ANKRD17: variants seen among roughly 807,000 people sequenced by gnomAD.
ANKRD17 encodes the protein ankyrin repeat domain-containing protein 17.
In ANKRD17, 19 loss-of-function variants were observed where a neutral mutation model predicts 229.7. The ratio of observed to expected loss-of-function variants is 0.08; its 90% confidence interval spans 0.06 to 0.12. The LOEUF (loss-of-function observed/expected upper bound fraction) is 0.12, where lower values mean the gene tolerates loss of function less well. Ranked by LOEUF, ANKRD17 falls within the 10% of genes least tolerant of loss-of-function variation. The probability of loss-of-function intolerance (pLI) is 1.00; values close to 1 mark genes in which losing one functional copy is unlikely to be tolerated. For missense variants in ANKRD17, 2,176 were observed against 3,176.8 expected (o/e 0.68, Z 7.57); for synonymous variants, 1,112 against 1,146.1 (o/e 0.97, Z 0.60).
intron 1 of ANKRD17, among the ~76,000 whole-genome samples, chr4:73,184,528 C>CAAAAAAA (rs776930137): frequency 1.3e-4 from 4 of 29,974 alleles, no homozygotes; most frequent in African/African-American, 3.9e-4. Flanking sequence ...GACTTCCTCT[C>CAAAAAAA]AAAAAAAAAA....
At chr4:73,088,601 C>T (rs1722452366) in intron 29 of ANKRD17, among the ~76,000 whole-genome samples, 1 of 152,158 alleles carries the variant, frequency 6.6e-6, no homozygotes, top group South Asian at 2.1e-4. Flanking sequence ...TTCCTACGCA[C>T]TGGCACATAA....
At chr4:73,168,810 G>A (rs1011195529) in intron 2 of ANKRD17, 3 of 152,140 alleles carry the variant, frequency 2.0e-5, no homozygotes, top group East Asian at 1.9e-4. Context: ...TAGGTACAGC[G>A]GGTATACATG....
At chr4:73,174,473 C>T (rs1474217713) in intron 2 of ANKRD17, among the ~76,000 whole-genome samples, 1 of 152,096 alleles carries the variant, frequency 6.6e-6, no homozygotes, top group African/African-American at 2.4e-5. Flanking sequence ...CAACAGCCAA[C>T]ATTACACTAA....
chr4:73,213,031 GAAAAAAAAAA>G, intron 1 of ANKRD17, among the ~76,000 whole-genome samples: 1 of 131,328 alleles, frequency 7.6e-6, no homozygotes. Flanking sequence ...CGTTTCAGGG[GAAAAAAAAAA>G]AAAAAAGAAA....
chr4:73,149,128 T>C lies in ANKRD17; in HGVS notation c.1330-78A>G, dbSNP rs1286339340. 1.4e-5 allele frequency: 16 copies of C among 1,177,494 alleles called. No individual in the cohort carries two copies. The East Asian group carries it at 3.8e-4, about 28-fold the overall frequency. The allele number at this position is 1,177,494 out of a possible 1,614,324, so 72.9% of individuals were successfully genotyped here. A position where few individuals can be genotyped will look rare whatever the true frequency, so the allele number is the denominator to read the frequency against. On this transcript the variant is annotated intron_variant, in intron 7 of 33. Transcript: ENST00000358602. The stretch of plus-strand genomic sequence containing the variant: ...AAAAATTTGAAGACTTCTCAATTAC[T>C]ATACAATGAAGTTTATCTATCTCCA...
intron 24 of ANKRD17, among the ~76,000 whole-genome samples, chr4:73,110,441 T>C (rs1725172727): frequency 6.6e-6 from 1 of 152,218 alleles, no homozygotes; most frequent in East Asian, 1.9e-4. Context: ...TAGCTGGGAC[T>C]ACAAGCATGT....
intron 1 of ANKRD17, among the ~76,000 whole-genome samples, chr4:73,195,814 G>A (rs377200905): frequency 6.6e-6 from 1 of 151,692 alleles, no homozygotes; most frequent in Non-Finnish European, 1.5e-5. Context: ...GCCTGCTGAA[G>A]AATTTTTCAT....
intron 1 of ANKRD17, among the ~76,000 whole-genome samples, chr4:73,196,339 A>C (rs146076756): frequency 1.7e-3 from 260 of 152,142 alleles, no homozygotes; most frequent in African/African-American, 6.1e-3. Flanking sequence ...TTCTTATCTT[A>C]TTCTTTCTTC....
chr4:73,122,422 G>A (rs957703291), intron 18 of ANKRD17, among the ~76,000 whole-genome samples: 4 of 152,040 alleles, frequency 2.6e-5, no homozygotes, highest in African/African-American at 9.7e-5. Context: ...CCATTCTAGT[G>A]GATGTGTAGT....
Position 73,134,846 on chromosome 4 carries a change from T to A in ANKRD17, c.3234+271A>T, listed in dbSNP as rs139172835. 6.1e-3 allele frequency among the ~76,000 whole-genome samples: 936 copies of A among 152,264 alleles called. 11 individuals are homozygous for A. Among genetic ancestry groups the A allele is most frequent in the African/African-American group, 0.019 (777 of 41,560 alleles). ...GAAGAAGTTATGCACTAATCTTAAA[T>A]AAATTATTTTTCTTTTATATCCTCT... On this transcript the variant is annotated intron_variant, in intron 16 of 33. Coordinates refer to ENST00000358602, the MANE Select transcript of ANKRD17 (RefSeq NM_032217.5).
At chr4:73,242,921 G>A (rs570902012) in intron 1 of ANKRD17, among the ~76,000 whole-genome samples, 2 of 152,278 alleles carry the variant, frequency 1.3e-5, no homozygotes, top group Non-Finnish European at 2.9e-5. Flanking sequence ...TTTCACTACA[G>A]TGCAACTTAC....
intron 1 of ANKRD17, among the ~76,000 whole-genome samples, chr4:73,246,871 A>G (rs1744551681): frequency 6.6e-6 from 1 of 152,182 alleles, no homozygotes; most frequent in Non-Finnish European, 1.5e-5. Flanking sequence ...CTATATCCAA[A>G]AAGAGATCCA....
At chr4:73,080,031 G>T (rs1026006083) in intron 30 of ANKRD17, among the ~76,000 whole-genome samples, 9 of 152,080 alleles carry the variant, frequency 5.9e-5, no homozygotes, top group African/African-American at 2.2e-4. Flanking sequence ...ACTTGAACCC[G>T]GGAGGCGGAG....
At chr4:73,243,448 T>C (rs1479395825) in intron 1 of ANKRD17, among the ~76,000 whole-genome samples, 1 of 151,928 alleles carries the variant, frequency 6.6e-6, no homozygotes, top group Non-Finnish European at 1.5e-5. Flanking sequence ...ATTTTGGAGG[T>C]AGAATGGACC....
At chr4:73,179,500 A>G (rs535286510) in intron 1 of ANKRD17, among the ~76,000 whole-genome samples, 14 of 74,916 alleles carry the variant, frequency 1.9e-4, no homozygotes, top group African/African-American at 6.9e-4. Context: ...ATATATATAT[A>G]TATATATATA....
intron 6 of ANKRD17, among the ~76,000 whole-genome samples, chr4:73,152,241 A>C (rs1441585316): frequency 6.6e-6 from 1 of 152,214 alleles, no homozygotes; most frequent in Non-Finnish European, 1.5e-5. Context: ...ATCAATTCTT[A>C]TTCAACTGGG....
At chr4:73,250,300 A>T (rs1046091652) in intron 1 of ANKRD17, among the ~76,000 whole-genome samples, 5 of 152,166 alleles carry the variant, frequency 3.3e-5, no homozygotes, top group African/African-American at 1.2e-4. Flanking sequence ...ATTTCACCAT[A>T]TATCAAAATT....
At chr4:73,203,539 C>T (rs1578379149) in intron 1 of ANKRD17, among the ~76,000 whole-genome samples, 2 of 151,840 alleles carry the variant, frequency 1.3e-5, no homozygotes, top group East Asian at 3.9e-4. Flanking sequence ...GGGCGGATCA[C>T]GAGGTCAGGA....
At chr4:73,132,368 C>T (rs192742694) in intron 16 of ANKRD17, among the ~76,000 whole-genome samples, 1 of 152,276 alleles carries the variant, frequency 6.6e-6, no homozygotes, top group African/African-American at 2.4e-5. Flanking sequence ...CTCGGCCTCC[C>T]AGAGCGCTGG....
Sources: gnomAD v4.1 joint callset for allele counts (sites outside exome capture counted in the v4.1 genomes callset) on GRCh38, gnomAD v4.1.1 for gene constraint, MANE v1.5 for transcripts, NCBI Gene and HGNC (gene_info 2026-07-23, HGNC 2026-07-21) for gene names.